Variants in CLSTN2 observed in about 807,000 individuals in gnomAD.
The protein encoded by CLSTN2 is calsyntenin-2.
A neutral mutation model predicts 101.2 loss-of-function variants in CLSTN2; 48 were observed. The ratio of observed to expected loss-of-function variants is 0.47; its 90% confidence interval spans 0.38 to 0.60. CLSTN2 has a LOEUF of 0.60. Ranked by LOEUF, CLSTN2 falls within the 20% of genes least tolerant of loss-of-function variation. CLSTN2 has a pLI of 0.00. For missense variants in CLSTN2, 1,160 were observed against 1,238.2 expected (o/e 0.94, Z 0.95); for synonymous variants, 481 against 463.6 (o/e 1.04, Z -0.48).
intron 2 of CLSTN2, among the ~76,000 whole-genome samples, chr3:140,286,161 A>C (rs2086894246): frequency 6.6e-6 from 1 of 152,158 alleles, no homozygotes; most frequent in Admixed American, 6.5e-5. Context: ...CGGTAAAGGA[A>C]GCAACCTCTC....
chr3:140,355,579 T>C (rs1307249915), intron 2 of CLSTN2, among the ~76,000 whole-genome samples: 1 of 152,160 alleles, frequency 6.6e-6, no homozygotes, highest in African/African-American at 2.4e-5. Context: ...AGGGTTAGTG[T>C]GGATTGGAGC....
chr3:139,989,610 T>A (rs1936085396), intron 1 of CLSTN2, among the ~76,000 whole-genome samples: 1 of 152,182 alleles, frequency 6.6e-6, no homozygotes, highest in South Asian at 2.1e-4. Context: ...AACCTCCCCA[T>A]GCCTCTGGAT....
chr3:140,230,382 T>C (rs2086359855), intron 2 of CLSTN2, among the ~76,000 whole-genome samples: 1 of 152,242 alleles, frequency 6.6e-6, no homozygotes, highest in Admixed American at 6.5e-5. Flanking sequence ...AGTCTAGTGC[T>C]TGAAGCAAGC....
chr3:140,085,655 C>T (rs921335333), intron 1 of CLSTN2, among the ~76,000 whole-genome samples: 11 of 152,078 alleles, frequency 7.2e-5, no homozygotes, highest in African/African-American at 2.7e-4. Flanking sequence ...TTTTATATAT[C>T]TTCTCTGAAC....
At chr3:140,557,842 A>C (rs953519494) in intron 11 of CLSTN2, among the ~76,000 whole-genome samples, 1 of 152,204 alleles carries the variant, frequency 6.6e-6, no homozygotes, top group Non-Finnish European at 1.5e-5. Flanking sequence ...TAATGCCCCC[A>C]TGAGGTCTGA....
chr3:140,556,831 T>C (rs1935806324), intron 11 of CLSTN2, 170 bp downstream of exon 11: 1 of 622,836 alleles, frequency 1.6e-6, no homozygotes, highest in South Asian at 2.1e-5. Context: ...TCTTGTTTTC[T>C]TCCTAAGCAA....
intron 8 of CLSTN2, among the ~76,000 whole-genome samples, chr3:140,530,096 T>A (rs924690674): frequency 1.3e-5 from 2 of 152,202 alleles, no homozygotes; most frequent in Non-Finnish European, 2.9e-5. Context: ...CCTAAGGATA[T>A]AATCAGAAAT....
chr3:140,377,233 C>T (rs2087927186), intron 2 of CLSTN2, among the ~76,000 whole-genome samples: 1 of 152,202 alleles, frequency 6.6e-6, no homozygotes, highest in African/African-American at 2.4e-5. Flanking sequence ...AAACCTACTG[C>T]ACTGCTAGTC....
intron 2 of CLSTN2, among the ~76,000 whole-genome samples, chr3:140,274,416 T>G (rs2086774941): frequency 6.6e-6 from 1 of 152,178 alleles, no homozygotes; most frequent in South Asian, 2.1e-4. Context: ...CAGCTAATCT[T>G]GATGTTAATT....
intron 4 of CLSTN2, among the ~76,000 whole-genome samples, chr3:140,409,660 G>C (rs1576552720): frequency 6.6e-6 from 1 of 152,166 alleles, no homozygotes. Context: ...AGGGACATGT[G>C]GTAGCACCAA....
chr3:140,098,227 C>T (rs576465939), intron 1 of CLSTN2, among the ~76,000 whole-genome samples: 63 of 152,328 alleles, frequency 4.1e-4, no homozygotes, highest in South Asian at 2.9e-3. Context: ...GATACTTCTA[C>T]AACCTGGTAG....
intron 8 of CLSTN2, among the ~76,000 whole-genome samples, chr3:140,516,297 T>C (rs1306089541): frequency 6.6e-6 from 1 of 152,232 alleles, no homozygotes; most frequent in Non-Finnish European, 1.5e-5. Context: ...TGCCATTCTG[T>C]ATTTTTTGAG....
chr3:140,492,666 T>G (rs189319208), intron 8 of CLSTN2, among the ~76,000 whole-genome samples: 133 of 152,352 alleles, frequency 8.7e-4, no homozygotes, highest in Non-Finnish European at 1.9e-4. Context: ...TCAAGATGGG[T>G]AACCTTGGTT....
intron 2 of CLSTN2, among the ~76,000 whole-genome samples, chr3:140,361,375 C>T (rs2107950029): frequency 6.6e-6 from 1 of 152,242 alleles, no homozygotes; most frequent in South Asian, 2.1e-4. Context: ...CAGCTAATAT[C>T]ATGCTTAATG....
intron 5 of CLSTN2, among the ~76,000 whole-genome samples, chr3:140,428,400 A>G (rs1334769323): frequency 6.6e-6 from 1 of 151,978 alleles, no homozygotes; most frequent in Non-Finnish European, 1.5e-5. Context: ...TCAGTATTTC[A>G]CTATCCCTTT....
rs201155207 is a variant in CLSTN2, at chr3:140,296,449, G to A, written c.233-107180G>A. Among the ~76,000 whole-genome samples the A allele has an allele frequency of 5.9e-5, 9 of 152,230 alleles. 1 individual carries two copies. In the South Asian group the frequency reaches 1.5e-3, roughly 25 times the overall value. On this transcript the variant is annotated intron_variant, in intron 2 of 16. Transcript: ENST00000458420. ...GTATTGCCCTAACAGAAAATGATAC[G>A]CCATTGTCATTTCAATTTCATATTT...
chr3:140,339,884 GA>G (rs1179289686), intron 2 of CLSTN2, among the ~76,000 whole-genome samples: 1 of 152,126 alleles, frequency 6.6e-6, no homozygotes, highest in Non-Finnish European at 1.5e-5. Context: ...CCTTATGCAG[GA>G]AAAAGAGCCC....
intron 2 of CLSTN2, among the ~76,000 whole-genome samples, chr3:140,184,241 G>A (rs2010452968): frequency 1.3e-5 from 2 of 152,180 alleles, no homozygotes; most frequent in Non-Finnish European, 2.9e-5. Context: ...TGAGAAGTTT[G>A]TTACTGTCTG....
intron 2 of CLSTN2, among the ~76,000 whole-genome samples, chr3:140,296,897 C>A (rs377697941): frequency 6.6e-6 from 1 of 152,180 alleles, no homozygotes; most frequent in Non-Finnish European, 1.5e-5. Flanking sequence ...TAAACAAGAA[C>A]GAGCTGGGGC....
Sources: allele counts gnomAD v4.1 joint callset (sites outside exome capture counted in the v4.1 genomes callset), GRCh38; gene constraint gnomAD v4.1.1; transcripts MANE v1.5; gene names NCBI Gene and HGNC (gene_info 2026-07-23, HGNC 2026-07-21).